Variants in AP4S1 observed in about 807,000 individuals in gnomAD.
The protein encoded by AP4S1 is AP-4 complex subunit sigma-1.
A neutral mutation model predicts 19.8 loss-of-function variants in AP4S1; 23 were observed. The observed-to-expected ratio is 1.16, with a 90% confidence interval of 0.84 to 1.65. AP4S1 has a LOEUF of 1.65. Among genes scored for constraint, AP4S1 ranks in the 40% most tolerant of loss-of-function variants. The pLI is 0.00. For missense variants in AP4S1, 166 were observed against 172.8 expected (o/e 0.96, Z 0.22); for synonymous variants, 46 against 54.1 (o/e 0.85, Z 0.66).
chr14:31,073,415 G>T (rs1475638040), intron 4 of AP4S1, among the ~76,000 whole-genome samples: 1 of 137,008 alleles, frequency 7.3e-6, no homozygotes, highest in African/African-American at 2.6e-5. Context: ...GCGTGAACCC[G>T]GGAGGCGGAG....
intron 1 of AP4S1, among the ~76,000 whole-genome samples, chr14:31,057,023 G>C (rs1420908437): frequency 1.3e-5 from 2 of 152,130 alleles, no homozygotes; most frequent in African/African-American, 4.8e-5. Flanking sequence ...GCAGTGAGCT[G>C]TGATTGTGCC....
At chr14:31,029,654 C>A (rs199897323) in intron 1 of AP4S1, among the ~76,000 whole-genome samples, 2 of 152,040 alleles carry the variant, frequency 1.3e-5, no homozygotes, top group Non-Finnish European at 2.9e-5. Flanking sequence ...CCTGTCCCTA[C>A]CAAAAATACA....
rs540940281 is a variant in AP4S1 at position 31,049,400 on chromosome 14, C to A, written c.-71-16726C>A. Among the ~76,000 whole-genome samples, 597 of 93,902 alleles carry A rather than the reference C, an allele frequency of 6.4e-3. 2 individuals are homozygous for A. The highest frequency in any genetic ancestry group is 9.2e-3 in the Non-Finnish European group (454 of 49,582). The allele number at this position is 93,902 out of a possible 152,430, so 61.6% of individuals were successfully genotyped here. Reference sequence around the variant, plus strand: ...CTGCACTCCAGCCTGGGTGACAGAGCAAGACTCGGTCTCAAAAAAAAAAAA... The same window carrying A: ...CTGCACTCCAGCCTGGGTGACAGAGAAAGACTCGGTCTCAAAAAAAAAAAA... On this transcript the variant is annotated intron_variant, in intron 1 of 5. Coordinates refer to ENST00000542754, the MANE Select transcript of AP4S1 (RefSeq NM_001128126.3).
intron 1 of AP4S1, among the ~76,000 whole-genome samples, chr14:31,035,769 A>G (rs1030634641): frequency 2.0e-5 from 3 of 149,942 alleles, no homozygotes; most frequent in South Asian, 2.1e-4. Context: ...TCGATCTGTC[A>G]CCCAGGCTGG....
chr14:31,077,739 C>G (rs1217637005), intron 4 of AP4S1, among the ~76,000 whole-genome samples: 3 of 135,236 alleles, frequency 2.2e-5, no homozygotes, highest in African/African-American at 8.3e-5. Context: ...TTTCTTTTTT[C>G]TTTTTTTTTT....
At chr14:31,072,652 T>C (rs1028084640) in intron 3 of AP4S1, among the ~76,000 whole-genome samples, 6 of 152,094 alleles carry the variant, frequency 3.9e-5, no homozygotes, top group Non-Finnish European at 8.8e-5. Context: ...ATTACGGATA[T>C]GAACCATCAC....
upstream of AP4S1, chr14:31,025,339 C>G (rs962513220): frequency 6.4e-6 from 1 of 156,036 alleles, no homozygotes; most frequent in Admixed American, 6.1e-5. Context: ...AATAAAACTT[C>G]ACAGGTCAGT....
intron 4 of AP4S1, among the ~76,000 whole-genome samples, chr14:31,080,053 A>C (rs1384899664): frequency 6.6e-6 from 1 of 152,160 alleles, no homozygotes; most frequent in Non-Finnish European, 1.5e-5. Context: ...GTGAGTACTT[A>C]TATGTCTACA....
chr14:31,042,989 G>A (rs1487942277), intron 1 of AP4S1, among the ~76,000 whole-genome samples: 1 of 152,140 alleles, frequency 6.6e-6, no homozygotes, highest in Non-Finnish European at 1.5e-5. Context: ...GGGAAGCCCA[G>A]GCGGGTGGAT....
chr14:31,078,215 C>T (rs1258228797), intron 4 of AP4S1, among the ~76,000 whole-genome samples: 1 of 152,150 alleles, frequency 6.6e-6, no homozygotes, highest in Non-Finnish European at 1.5e-5. Flanking sequence ...TAAAATCTAT[C>T]TCTGTGTTGA....
intron 4 of AP4S1, among the ~76,000 whole-genome samples, chr14:31,073,932 A>G (rs927893449): frequency 2.0e-5 from 3 of 152,156 alleles, no homozygotes; most frequent in South Asian, 2.1e-4. Flanking sequence ...TCAAAAGTCA[A>G]TTCTCCTTAG....
At chr14:31,035,535 C>T (rs543166598) in intron 1 of AP4S1, among the ~76,000 whole-genome samples, 3 of 151,032 alleles carry the variant, frequency 2.0e-5, no homozygotes, top group African/African-American at 7.3e-5. Context: ...TATTTGATTT[C>T]CCCCAATATC....
At chr14:31,080,505 G>T in intron 4 of AP4S1, 68 bp from the exon 5 acceptor site, 1 of 1,354,114 alleles carries the variant, frequency 7.4e-7, no homozygotes, top group South Asian at 1.2e-5. Context: ...TCTTCAGTCT[G>T]ACTCTGCTAA....
intron 5 of AP4S1, among the ~76,000 whole-genome samples, chr14:31,089,861 G>A (rs530668559): frequency 6.6e-6 from 1 of 152,312 alleles, no homozygotes; most frequent in East Asian, 1.9e-4. Flanking sequence ...GGAGGTTACA[G>A]TGAGCCTAGA....
chr14:31,026,133 G>C (rs1036923688), intron 1 of AP4S1: 3 of 1,498,056 alleles, frequency 2.0e-6, no homozygotes, highest in Non-Finnish European at 2.7e-6. Flanking sequence ...CTGCTGCCGG[G>C]GAGGGGCCGC....
intron 4 of AP4S1, among the ~76,000 whole-genome samples, chr14:31,078,843 AGAAGAG>A (rs1479568039): frequency 6.6e-6 from 1 of 152,208 alleles, no homozygotes; most frequent in East Asian, 1.9e-4. Flanking sequence ...AGCAAAAAGA[AGAAGAG>A]GAAGAGGGAA....
intron 1 of AP4S1, among the ~76,000 whole-genome samples, chr14:31,049,461 A>G (rs1313309145): frequency 1.3e-5 from 1 of 76,020 alleles, no homozygotes; most frequent in African/African-American, 5.8e-5. Flanking sequence ...ATATATATAT[A>G]TGTATATATA....
At position 31,069,845 on chromosome 14, in the gene AP4S1, C is replaced by T. The variant is rs780605333; in HGVS notation, c.141C>T (p.Cys47=). The T allele has an allele frequency of 1.3e-5, 21 of 1,609,272 alleles. No homozygotes were observed. The South Asian group carries it at 2.2e-4, about 17-fold the overall frequency. The change falls in exon 3 of 6, where the codon TGC becomes TGT. Residue 47 remains cysteine (C), a splice_region_variant and synonymous_variant. Coordinates refer to ENST00000542754, the MANE Select transcript of AP4S1 (RefSeq NM_001128126.3). Reference sequence around the variant, plus strand: ...ATATCTCATTGTGTTTTGTCTAGTGCTCTTTCATTGAATATAAGGATTTTA... The same window carrying T: ...ATATCTCATTGTGTTTTGTCTAGTGTTCTTTCATTGAATATAAGGATTTTA... The part of the protein sequence containing the change: ...KSCLSRSNEQ[C]SFIEYKDFKL...
At chr14:31,049,449 A>G (rs1175241372) in intron 1 of AP4S1, among the ~76,000 whole-genome samples, 7 of 78,216 alleles carry the variant, frequency 8.9e-5, no homozygotes, top group Admixed American at 4.6e-4. Flanking sequence ...ATATATATAT[A>G]TATATATATA....
Sources: allele counts gnomAD v4.1 joint callset (sites outside exome capture counted in the v4.1 genomes callset), GRCh38; gene constraint gnomAD v4.1.1; transcripts MANE v1.5; gene names NCBI Gene and HGNC (gene_info 2026-07-23, HGNC 2026-07-21).